The following NECAP2 variants were observed in gnomAD, a reference collection of about 807,000 sequenced individuals.
NECAP2 encodes adaptin ear-binding coat-associated protein 2.
NECAP2 carries 38 observed loss-of-function variants against 37.8 expected under a neutral mutation model. The observed-to-expected ratio is 1.01, with a 90% confidence interval of 0.78 to 1.32. The LOEUF is 1.32. Ranked by LOEUF, NECAP2 falls within the 40% of genes most tolerant of loss-of-function variation. The pLI is 0.00. For missense variants in NECAP2, 316 were observed against 334.5 expected (o/e 0.94, Z 0.43); for synonymous variants, 121 against 127.7 (o/e 0.95, Z 0.35).
chr1:16,444,686 A>C (rs2086735075), intron 2 of NECAP2, among the ~76,000 whole-genome samples: 1 of 152,230 alleles, frequency 6.6e-6, no homozygotes, highest in Non-Finnish European at 1.5e-5. Flanking sequence ...TACTGGCGGC[A>C]GAGGAGTTTG....
At chr1:16,449,528 G>A (rs1322500190) in intron 5 of NECAP2, 1 of 283,872 alleles carries the variant, frequency 3.5e-6, no homozygotes, top group Non-Finnish European at 6.7e-6. Flanking sequence ...TGGAAGAAGG[G>A]ACCTGTAGGC....
intron 7 of NECAP2, among the ~76,000 whole-genome samples, chr1:16,457,707 G>GT (rs56863489): frequency 0.11 from 11,980 of 105,416 alleles, 1,203 homozygotes; most frequent in African/African-American, 0.23. Flanking sequence ...TAGTAATTCT[G>GT]TTTTTTTTTT....
chr1:16,458,588 C>CA (rs370954719), intron 7 of NECAP2, among the ~76,000 whole-genome samples: 3,054 of 123,028 alleles, frequency 0.025, 80 homozygotes, highest in African/African-American at 0.077. Context: ...GACCCTGTCT[C>CA]AAAAAAAAAA....
intron 4 of NECAP2, among the ~76,000 whole-genome samples, chr1:16,448,703 C>T (rs1182092064): frequency 1.3e-5 from 2 of 152,082 alleles, no homozygotes; most frequent in Non-Finnish European, 2.9e-5. Context: ...CTTGTCCCCC[C>T]GTCTGCCTTC....
chr1:16,450,695 C>T (rs2100959352), intron 5 of NECAP2: 1 of 152,562 alleles, frequency 6.6e-6, no homozygotes, highest in Admixed American at 6.5e-5. Flanking sequence ...CGCCTGTAAT[C>T]CCAGCACTTT....
intron 2 of NECAP2, among the ~76,000 whole-genome samples, chr1:16,444,682 C>T (rs191566908): frequency 3.3e-5 from 5 of 152,258 alleles, no homozygotes; most frequent in East Asian, 3.9e-4. Context: ...TGGGTACTGG[C>T]GGCAGAGGAG....
intron 2 of NECAP2, among the ~76,000 whole-genome samples, chr1:16,445,490 T>G (rs1311630934): frequency 6.6e-6 from 1 of 152,194 alleles, no homozygotes; most frequent in East Asian, 1.9e-4. Flanking sequence ...CACCCCTGAT[T>G]GAGAACTACT....
intron 1 of NECAP2, among the ~76,000 whole-genome samples, chr1:16,442,884 T>G (rs2086708823): frequency 6.6e-6 from 1 of 152,178 alleles, no homozygotes; most frequent in Non-Finnish European, 1.5e-5. Context: ...GTTGCGCCAC[T>G]GCACTTCAGC....
chr1:16,444,288 G>A (rs1014098976), intron 2 of NECAP2, among the ~76,000 whole-genome samples: 1 of 152,200 alleles, frequency 6.6e-6, no homozygotes, highest in African/African-American at 2.4e-5. Flanking sequence ...GCCTCTGGGT[G>A]AGCTGTGGAG....
Position 16,447,893 on chromosome 1 carries a change from G to A in NECAP2, c.217G>A (p.Val73Met), listed in dbSNP as rs751904433. ...TSGELFAQAP[V>M]DQFPGTAVES... The stretch of plus-strand genomic sequence containing the variant: ...AGGGGAGCTCTTTGCTCAGGCCCCG[G>A]TGGATCAGTTTCCTGGCACAGCTGT... Residue 73 changes from valine (V) to methionine (M), a missense_variant, in exon 3 of 8, where the codon GTG becomes ATG. This residue lies in a region of NECAP2 where 81 missense variants were observed against 124.2 expected (regional missense o/e 0.65). Transcript: ENST00000337132. The A allele has an allele frequency of 2.0e-5, 32 of 1,614,022 alleles. No individual in the cohort carries two copies. In the South Asian group the frequency reaches 3.5e-4, roughly 18 times the overall value.
intron 4 of NECAP2, 131 bp downstream of exon 4, chr1:16,448,272 C>G: frequency 1.2e-6 from 1 of 831,532 alleles, no homozygotes; most frequent in Non-Finnish European, 2.1e-6. Flanking sequence ...GAACCCAGGA[C>G]AAGCCACCTC....
At chr1:16,447,753 C>A in intron 2 of NECAP2, 117 bp from the exon 3 acceptor site, 1 of 759,030 alleles carries the variant, frequency 1.3e-6, no homozygotes, top group Non-Finnish European at 2.3e-6. Flanking sequence ...GTAAGGTTTG[C>A]CGATCTGTCT....
At chr1:16,453,036 C>T (rs1207623063) in intron 6 of NECAP2, among the ~76,000 whole-genome samples, 1 of 151,710 alleles carries the variant, frequency 6.6e-6, no homozygotes, top group Non-Finnish European at 1.5e-5. Flanking sequence ...AGTGCTATTT[C>T]TCAGAGTGGG....
In NECAP2 at chr1:16,447,853, C is replaced by A; in HGVS notation, c.194-17C>A. 1.2e-6 allele frequency: 2 copies of A among 1,609,358 alleles called. No individual in the cohort carries two copies. Among genetic ancestry groups the A allele is most frequent in the South Asian group, 1.1e-5 (1 of 90,972 alleles). On this transcript the variant is annotated splice_polypyrimidine_tract_variant and intron_variant, in intron 2 of 7. Transcript: ENST00000337132. The stretch of plus-strand genomic sequence containing the variant: ...GGGGGCTCAGGGCTCAGCGCTCAGC[C>A]TAACCTGTGCTTTCAGGGGAGCTCT...
chr1:16,447,840 C>T, intron 2 of NECAP2, 30 bp from the exon 3 acceptor site: 1 of 1,591,268 alleles, frequency 6.3e-7, no homozygotes, highest in Admixed American at 1.7e-5. Flanking sequence ...GGGCTCAGGG[C>T]TCAGCGCTCA....
chr1:16,450,395 CAG>C (rs1183805329), intron 5 of NECAP2: 1 of 306,136 alleles, frequency 3.3e-6, no homozygotes, highest in African/African-American at 2.2e-5. Context: ...CCCAGGGTCA[CAG>C]AGCTAGAAAT....
Position 16,447,964 on chromosome 1 carries a change from A to C in NECAP2, c.288A>C (p.Glu96Asp). The C allele has an allele frequency of 6.2e-7, 1 of 1,614,198 alleles. No individual in the cohort carries two copies. Among genetic ancestry groups the C allele is most frequent in the East Asian group, 2.2e-5 (1 of 44,890 alleles). Reference protein sequence around the residue: ...DSSRYFVIRIEDGNGRRAFIG... With the variant: ...DSSRYFVIRIDDGNGRRAFIG... ...GCAGGTACTTCGTGATCCGCATCGA[A>C]GATGGAAATGGTAGGCATGGGTCCT... The change falls in exon 3 of 8, where the codon GAA becomes GAC. Residue 96 changes from glutamate to aspartate, a missense_variant. Physicochemically the swap from Glu to Asp is conservative, Grantham distance 45. Coordinates refer to ENST00000337132, the MANE Select transcript of NECAP2 (RefSeq NM_018090.5).
At chr1:16,458,818 C>T (rs756061010) in intron 7 of NECAP2, 24 bp from the exon 8 acceptor site, 4 of 1,612,962 alleles carry the variant, frequency 2.5e-6, no homozygotes, top group South Asian at 2.2e-5. Context: ...AACTCCCCCA[C>T]CCTTCCCTGT....
rs781284179 is a variant in NECAP2, at chr1:16,455,890, C to T, written c.740C>T (p.Thr247Ile). Reference sequence around the variant, plus strand: ...ATCTGGGGAGACTTTACCAAATCTACAGGGTAAGGAGGGCCATGTTCTGCG... The same window carrying T: ...ATCTGGGGAGACTTTACCAAATCTATAGGGTAAGGAGGGCCATGTTCTGCG... Reference protein sequence around the residue: ...ADIWGDFTKSTGSTSSQTQPG... With the variant: ...ADIWGDFTKSIGSTSSQTQPG... The change falls in exon 7 of 8, where the codon ACA becomes ATA. Residue 247 changes from threonine (T) to isoleucine (I), a missense_variant. This residue lies in a region of NECAP2 where 204 missense variants were observed against 188.6 expected (regional missense o/e 1.08). Coordinates refer to ENST00000337132, the MANE Select transcript of NECAP2 (RefSeq NM_018090.5). 3.7e-5 allele frequency: 59 copies of T among 1,613,642 alleles called. No individual in the cohort carries two copies. The South Asian group carries it at 5.9e-4, about 16-fold the overall frequency.
Sources: gnomAD v4.1 joint callset for allele counts (sites outside exome capture counted in the v4.1 genomes callset) on GRCh38, gnomAD v4.1.1 for gene constraint, gnomAD v4.1.1 regional missense constraint, MANE v1.5 for transcripts, NCBI Gene and HGNC (gene_info 2026-07-23, HGNC 2026-07-21) for gene names.